SACS: variants seen among roughly 807,000 people sequenced by gnomAD.
SACS encodes sacsin.
Under a neutral mutation model 348.0 loss-of-function variants are expected in SACS, and 197 were observed. That is an observed-to-expected ratio of 0.57 (90% confidence interval 0.50 to 0.64). The LOEUF (loss-of-function observed/expected upper bound fraction) is 0.64. SACS is among the 30% of genes least tolerant of loss of function. The pLI is 0.00. For synonymous variants in SACS, 1,985 were observed against 1,910.6 expected, an observed-to-expected ratio of 1.04 and a Z score of -1.02; for missense variants, 4,999 against 5,360.8, an observed-to-expected ratio of 0.93 and a Z score of 2.11.
Position 23,375,282 on chromosome 13 carries a change from G to A in SACS, c.21-13C>T, listed in dbSNP as rs1036720942. ...CACCGGGACCCACCTGTGGAAAGCA[G>A]AGGGACGCTCAGTCGGGCTGCGGCT... On this transcript the variant is annotated splice_polypyrimidine_tract_variant and intron_variant, in intron 2 of 9. Transcript: ENST00000382292. The A allele has an allele frequency of 9.7e-6, 14 of 1,441,732 alleles. No individual in the cohort carries two copies. The African/African-American group carries it at 1.2e-4, about 12-fold the overall frequency. 89.3% of individuals were successfully genotyped at this position (1,441,732 alleles called of 1,614,324 possible).
Position 23,330,382 on chromosome 13 carries a change from T to C in SACS, c.13494A>G (p.Lys4498=), listed in dbSNP as rs779547533. Residue 4498 remains lysine (K), a synonymous_variant, in exon 10 of 10, where the codon AAA becomes AAG. Coordinates refer to ENST00000382292, the MANE Select transcript of SACS (RefSeq NM_014363.6). ...GAGCAAGTGCAGTTGGTTTTACATC[T>C]TTATCAGACTTTCCCCTCACAGCAT... ...ADYAVRGKSD[K]DVKPTALAQK... is the part of the protein sequence containing the mutation. 1 of 1,614,200 alleles carries C rather than the reference T, an allele frequency of 6.2e-7. No homozygotes were observed. The highest frequency in any genetic ancestry group is 1.1e-5 in the South Asian group (1 of 91,086).
intron 2 of SACS, among the ~76,000 whole-genome samples, chr13:23,406,096 G>A (rs1381294773): frequency 1.3e-5 from 2 of 152,166 alleles, no homozygotes; most frequent in Admixed American, 6.5e-5. Context: ...GTTTATTGCA[G>A]CTCTGTTCAC....
chr13:23,332,982 T>C lies in SACS; in HGVS notation c.10894A>G (p.Ile3632Val), dbSNP rs1883586720. ...QNTVDILLHHIFQERMDLLSG... is the reference protein window; with the variant it reads ...QNTVDILLHHVFQERMDLLSG... Reference sequence around the variant, plus strand: ...AACAAATCCATTCGTTCTTGGAATATATGATGCAGAAGGATATCAACTGTA... The same window carrying C: ...AACAAATCCATTCGTTCTTGGAATACATGATGCAGAAGGATATCAACTGTA... Residue 3632 changes from isoleucine (I) to valine (V), a missense_variant, in exon 10 of 10, where the codon ATA becomes GTA. By Grantham distance (29) the Ile-to-Val change is conservative. This residue lies in a region of SACS where 831 missense variants were observed against 941.8 expected (regional missense o/e 0.88). Transcript: ENST00000382292. 1 of 1,613,922 alleles carries C rather than the reference T, an allele frequency of 6.2e-7. No homozygotes were observed. Among genetic ancestry groups the C allele is most frequent in the East Asian group, 2.2e-5 (1 of 44,878 alleles).
intron 2 of SACS, 116 bp downstream of exon 2, chr13:23,411,104 C>G (rs1873461832): frequency 1.2e-6 from 1 of 827,908 alleles, no homozygotes; most frequent in Admixed American, 2.1e-5. Context: ...ATGGTTAGTT[C>G]ACTTTTACCT....
Position 23,330,078 on chromosome 13 carries a change from A to G in SACS, c.*58T>C. On this transcript the variant is annotated 3_prime_UTR_variant, in exon 10 of 10. Transcript: ENST00000382292. ...TTGGCAATGAAGCTTAATGAAGTAC[A>G]GCAATTTATTCGTGCTACAACACAT... 6.9e-7 allele frequency: 1 copy of G among 1,459,084 alleles called. No homozygotes were observed. The highest frequency in any genetic ancestry group is 9.5e-7 in the Non-Finnish European group (1 of 1,048,586). The allele number at this position is 1,459,084 out of a possible 1,614,324, so 90.4% of individuals were successfully genotyped here.
chr13:23,346,689 C>T (rs561150288), intron 9 of SACS: 2 of 219,876 alleles, frequency 9.1e-6, no homozygotes, highest in East Asian at 3.6e-4. Context: ...TAGTTATTAC[C>T]ACCAGAAAAA....
In SACS at chr13:23,354,674, T is replaced by G; in HGVS notation, c.1938A>C (p.Glu646Asp). 1 of 1,614,178 alleles carries G rather than the reference T, an allele frequency of 6.2e-7. No homozygotes were observed. The highest frequency in any genetic ancestry group is 1.1e-5 in the South Asian group (1 of 91,084). ...GCACAAATTCTAGAAGGTGAAGCTTTTCTTCAGCACAGCCCAGGTGTGCAC... is the reference window on the plus strand; with the variant it reads ...GCACAAATTCTAGAAGGTGAAGCTTGTCTTCAGCACAGCCCAGGTGTGCAC... ...RKCAHLGCAE[E>D]KLHLLEFVLS... The change falls in exon 8 of 10, where the codon GAA becomes GAC. Residue 646 changes from glutamate to aspartate, a missense_variant. Physicochemically the swap from Glu to Asp is conservative, Grantham distance 45. Around this residue, in one of 6 missense-constraint regions of SACS, gnomAD observed 3,156 missense variants for 3,380.1 expected, o/e 0.93. Coordinates refer to ENST00000382292, the MANE Select transcript of SACS (RefSeq NM_014363.6).
chr13:23,360,556 C>T (rs1411663071), intron 6 of SACS, among the ~76,000 whole-genome samples: 1 of 152,072 alleles, frequency 6.6e-6, no homozygotes, highest in Admixed American at 6.6e-5. Flanking sequence ...GGAACACAGT[C>T]CGCCTTGCCT....
At position 23,329,750 on chromosome 13, in the gene SACS, T is replaced by C. The variant is rs537471342; in HGVS notation, c.*386A>G. 28 of 488,912 alleles carry C rather than the reference T, an allele frequency of 5.7e-5. No homozygotes were observed. In the South Asian group the frequency reaches 7.4e-4, roughly 13 times the overall value. The allele number at this position is 488,912 out of a possible 1,614,324, so 30.3% of individuals were successfully genotyped here. ...TCCCCTTATGTTTAAACCAATTATATGTCCAGTGTTTCATTAGCTCCTTCA... is the reference window on the plus strand; with the variant it reads ...TCCCCTTATGTTTAAACCAATTATACGTCCAGTGTTTCATTAGCTCCTTCA... On this transcript the variant is annotated 3_prime_UTR_variant, in exon 10 of 10. Transcript: ENST00000382292.
chr13:23,397,006 G>C (rs1326027220), intron 2 of SACS, among the ~76,000 whole-genome samples: 1 of 136,660 alleles, frequency 7.3e-6, no homozygotes, highest in Admixed American at 7.3e-5. Flanking sequence ...ATTTAGGCTT[G>C]TTAATAAATA....
chr13:23,360,431 C>T (rs1314838612), intron 6 of SACS, among the ~76,000 whole-genome samples: 3 of 146,776 alleles, frequency 2.0e-5, no homozygotes, highest in Non-Finnish European at 4.5e-5. Flanking sequence ...CAACACTGAA[C>T]ACCAGGCTCG....
chr13:23,340,812 A>G lies in SACS; in HGVS notation c.3064T>C (p.Ser1022Pro). The G allele has an allele frequency of 6.2e-7, 1 of 1,600,492 alleles. No individual in the cohort carries two copies. Among genetic ancestry groups the G allele is most frequent in the Non-Finnish European group, 8.5e-7 (1 of 1,173,858 alleles). Residue 1022 changes from serine (S) to proline (P), a missense_variant, in exon 10 of 10, where the codon TCT becomes CCT. Transcript: ENST00000382292. Reference sequence around the variant, plus strand: ...ACATTTGGATTCTCATTTTTAAGAGAAGATAGATTCTCAAGGACCCATAAC... The same window carrying G: ...ACATTTGGATTCTCATTTTTAAGAGGAGATAGATTCTCAAGGACCCATAAC... ...LMLWVLENLS[S>P]LKNENPNVLE...
At position 23,411,328 on chromosome 13, in the gene SACS, A is replaced by G. The variant is rs1873473050; in HGVS notation, c.-89T>C. ...AGTCTTCCCTCTGTGCTTCCTTTAAATGTGTACTCCAAGTTCAGCTCTTCC... is the reference window on the plus strand; with the variant it reads ...AGTCTTCCCTCTGTGCTTCCTTTAAGTGTGTACTCCAAGTTCAGCTCTTCC... On this transcript the variant is annotated 5_prime_UTR_variant, in exon 2 of 10. Coordinates refer to ENST00000382292, the MANE Select transcript of SACS (RefSeq NM_014363.6). 2 of 1,221,602 alleles carry G rather than the reference A, an allele frequency of 1.6e-6. No homozygotes were observed. The highest frequency in any genetic ancestry group is 1.7e-5 in the Admixed American group (1 of 58,818). 75.7% of individuals were successfully genotyped at this position (1,221,602 alleles called of 1,614,324 possible).
chr13:23,402,317 T>C (rs904190769), intron 2 of SACS, among the ~76,000 whole-genome samples: 2 of 152,220 alleles, frequency 1.3e-5, no homozygotes, highest in African/African-American at 2.4e-5. Flanking sequence ...TGGTTTTTGT[T>C]TGGAATATTG....
At chr13:23,357,259 A>G (rs1259058268) in intron 7 of SACS, among the ~76,000 whole-genome samples, 1 of 152,190 alleles carries the variant, frequency 6.6e-6, no homozygotes, top group Non-Finnish European at 1.5e-5. Context: ...AAACTACTAC[A>G]TGGCACAGAC....
chr13:23,355,483 T>C lies in SACS; in HGVS notation c.1129A>G (p.Ile377Val), dbSNP rs369532060. 8 of 1,613,990 alleles carry C rather than the reference T, an allele frequency of 5.0e-6. No individual in the cohort carries two copies. The South Asian group carries it at 6.6e-5, about 13-fold the overall frequency. The stretch of plus-strand genomic sequence containing the variant: ...TTAGTACTCTCCTCTTCTAAAACAA[T>C]ATTTACGTGATATGTTACACAGGTG... ...NITCVTYHVN[I>V]VLEEESTKDA... Residue 377 changes from isoleucine (I) to valine (V), a missense_variant, in exon 8 of 10, where the codon ATT (isoleucine) becomes GTT (valine). Transcript: ENST00000382292.
chr13:23,331,307 C>A lies in SACS; in HGVS notation c.12569G>T (p.Gly4190Val). ...EYVGYLVDAE[G>V]GDIYGSYQPT... is the part of the protein sequence containing the mutation. ...CTGGTATGATCCATAGATATCACCACCTTCAGCATCAACAAGGTACCCAAC... is the reference window on the plus strand; with the variant it reads ...CTGGTATGATCCATAGATATCACCAACTTCAGCATCAACAAGGTACCCAAC... Residue 4190 changes from glycine (G) to valine (V), a missense_variant, in exon 10 of 10, where the codon GGT becomes GTT. Gly to Val is a moderately radical substitution (Grantham distance 109, BLOSUM62 -3). Coordinates refer to ENST00000382292, the MANE Select transcript of SACS (RefSeq NM_014363.6). 6.2e-7 allele frequency: 1 copy of A among 1,613,946 alleles called. No homozygotes were observed. Among genetic ancestry groups the A allele is most frequent in the Non-Finnish European group, 8.5e-7 (1 of 1,179,928 alleles).
rs1438933837 is a variant in SACS at position 23,339,544 on chromosome 13, T to C, written c.4332A>G (p.Ile1444Met). 1 of 1,613,234 alleles carries C rather than the reference T, an allele frequency of 6.2e-7. No homozygotes were observed. Among genetic ancestry groups the C allele is most frequent in the East Asian group, 2.2e-5 (1 of 44,860 alleles). ...LKVPCLSTRL[I>M]NPENMGFEQS... ...GCTCAAATCCCATGTTTTCAGGATT[T>C]ATCAGTCTTGTACTAAGGCATGGAA... Residue 1444 changes from isoleucine to methionine, a missense_variant, in exon 10 of 10, where the codon ATA (isoleucine) becomes ATG (methionine). By Grantham distance (10) the Ile-to-Met change is conservative. Transcript: ENST00000382292.
chr13:23,362,082 T>C (rs761706899), intron 6 of SACS, among the ~76,000 whole-genome samples: 5 of 152,246 alleles, frequency 3.3e-5, no homozygotes, highest in Non-Finnish European at 7.3e-5. Flanking sequence ...CTTGAAAATG[T>C]CACAAGTTAT....
Sources: gnomAD v4.1 joint callset for allele counts (sites outside exome capture counted in the v4.1 genomes callset) on GRCh38, gnomAD v4.1.1 for gene constraint, gnomAD v4.1.1 regional missense constraint, MANE v1.5 for transcripts, NCBI Gene and HGNC (gene_info 2026-07-23, HGNC 2026-07-21) for gene names.